The following TENM1 variants were observed in gnomAD, a reference collection of about 807,000 sequenced individuals.
TENM1 encodes the protein teneurin transmembrane protein 1.
In TENM1, 35 loss-of-function variants were observed where a neutral mutation model predicts 174.8. That is an observed-to-expected ratio of 0.20 (90% confidence interval 0.15 to 0.27). The LOEUF (loss-of-function observed/expected upper bound fraction) is 0.27. TENM1 is among the 10% of genes least tolerant of loss of function. The pLI is 1.00. For missense variants in TENM1, 1,633 were observed against 2,130.1 expected, an observed-to-expected ratio of 0.77 and a Z score of 4.59; for synonymous variants, 781 against 798.7, an observed-to-expected ratio of 0.98 and a Z score of 0.37.
rs552031034 is a variant in TENM1 at position 124,817,452 on chromosome X, T to C, written c.535+76844A>G. 2.9e-4 allele frequency among the ~76,000 whole-genome samples: 32 copies of C among 112,214 alleles called. No individual in the cohort carries two copies. The South Asian group carries it at 0.012, about 41-fold the overall frequency. On this transcript the variant is annotated intron_variant, in intron 3 of 31. Transcript: ENST00000422452. ...ATGTATTCCTGAAGCAAGTTATATA[T>C]TTTTAAGTTGCCTTCAGACCCTATA...
chrX:124,585,353 C>A (rs570574811), intron 11 of TENM1, among the ~76,000 whole-genome samples: 4,845 of 110,436 alleles, frequency 0.044, 164 homozygotes, highest in African/African-American at 0.11. Flanking sequence ...ACCACAGTGC[C>A]ATCAAACTAG....
chrX:124,635,955 G>A (rs773263669), intron 11 of TENM1, among the ~76,000 whole-genome samples: 1 of 111,939 alleles, frequency 8.9e-6, no homozygotes, highest in Admixed American at 9.4e-5. Context: ...GTGAAGTGTC[G>A]TGAGGCCATC....
intron 3 of TENM1, among the ~76,000 whole-genome samples, chrX:124,787,154 AC>A (rs1182489684): frequency 8.9e-6 from 1 of 111,733 alleles, no homozygotes; most frequent in African/African-American, 3.3e-5. Flanking sequence ...CTAATTTTTA[AC>A]CTTTTATGTA....
rs185675730 is a variant in TENM1 at position 124,765,928 on chromosome X, C to T, written c.536-28731G>A. Among the ~76,000 whole-genome samples the T allele has an allele frequency of 6.3e-5, 7 of 111,636 alleles. No homozygotes were observed. In the East Asian group the frequency reaches 8.4e-4, roughly 13 times the overall value. ...CATCTGGTGTGACTAGATACCGTCA[C>T]GGAAATTATTTTTAACAGTGAATTT... is the stretch of plus-strand genomic sequence containing the variant. On this transcript the variant is annotated intron_variant, in intron 3 of 31. Coordinates refer to ENST00000422452, the Ensembl canonical transcript of TENM1.
At chrX:124,834,049 G>A (rs1402646892) in intron 3 of TENM1, among the ~76,000 whole-genome samples, 3 of 111,414 alleles carry the variant, frequency 2.7e-5, no homozygotes, top group East Asian at 2.8e-4. Context: ...CATGCCCCCC[G>A]CCATGCCTGG....
intron 28 of TENM1, among the ~76,000 whole-genome samples, chrX:124,387,508 C>T (rs775254419): frequency 4.5e-5 from 5 of 111,964 alleles, no homozygotes; most frequent in Non-Finnish European, 7.5e-5. Flanking sequence ...GTTATTTATT[C>T]AAGTTTGTGT....
rs1039666519 is a variant in TENM1 at position 124,633,750 on chromosome X, C to T, written c.2077+8041G>A. Among the ~76,000 whole-genome samples the T allele has an allele frequency of 4.5e-5, 5 of 110,810 alleles. 1 individual carries two copies. Among genetic ancestry groups the T allele is most frequent in the Admixed American group, 1.9e-4 (2 of 10,401 alleles). On this transcript the variant is annotated intron_variant, in intron 11 of 31. Coordinates refer to ENST00000422452, the Ensembl canonical transcript of TENM1. Reference sequence around the variant, plus strand: ...CTGGGGTGACAAATCATCTCTGAGTCGGATGTATGGCTATGATACCACTAT... The same window carrying T: ...CTGGGGTGACAAATCATCTCTGAGTTGGATGTATGGCTATGATACCACTAT...
chrX:124,765,342 T>C (rs2054517337), intron 3 of TENM1, among the ~76,000 whole-genome samples: 1 of 112,122 alleles, frequency 8.9e-6, no homozygotes, highest in Non-Finnish European at 1.9e-5. Context: ...GGCCTAATGT[T>C]GTGCTTTGTA....
chrX:124,602,448 G>C (rs1390125897), intron 11 of TENM1, among the ~76,000 whole-genome samples: 2 of 110,959 alleles, frequency 1.8e-5, no homozygotes, highest in Non-Finnish European at 3.8e-5. Flanking sequence ...TTGGAACAAT[G>C]AGCTAATGAA....
At chrX:124,500,939 G>A (rs1428560342) in intron 19 of TENM1, among the ~76,000 whole-genome samples, 2 of 111,441 alleles carry the variant, frequency 1.8e-5, no homozygotes, top group African/African-American at 6.5e-5. Flanking sequence ...GTGATCAATG[G>A]ACATTTACTT....
intron 20 of TENM1, among the ~76,000 whole-genome samples, chrX:124,496,266 C>A (rs2147978017): frequency 9.0e-6 from 1 of 111,239 alleles, no homozygotes; most frequent in South Asian, 3.8e-4. Flanking sequence ...CCATAAAAAC[C>A]CTAGAAGCTT....
At chrX:125,173,562 A>G in the TENM1 span, among the ~76,000 whole-genome samples, 137 of 111,266 alleles carry the variant, frequency 1.2e-3, no homozygotes, top group Non-Finnish European at 1.8e-3. Context: ...TCTCACCCTC[A>G]CTAGATAAAA....
chrX:125,064,156 T>C, the TENM1 span, among the ~76,000 whole-genome samples: 1 of 103,640 alleles, frequency 9.6e-6, no homozygotes, highest in Non-Finnish European at 2.0e-5. Flanking sequence ...ACCGGGGCCG[T>C]TGTGGGGTGG....
chrX:124,651,275 T>TA (rs1446646495), intron 8 of TENM1, among the ~76,000 whole-genome samples: 70 of 111,482 alleles, frequency 6.3e-4, no homozygotes, highest in African/African-American at 2.1e-3. Flanking sequence ...CGTCTGAAAC[T>TA]AATTAGGGTG....
chrX:124,552,567 ATGC>A (rs2048599382), intron 14 of TENM1, among the ~76,000 whole-genome samples: 1 of 111,927 alleles, frequency 8.9e-6, no homozygotes. Context: ...CGTTGTTTGT[ATGC>A]CACTAATGTT....
At chrX:125,056,963 C>CA in the TENM1 span, among the ~76,000 whole-genome samples, 1 of 110,870 alleles carries the variant, frequency 9.0e-6, no homozygotes, top group Non-Finnish European at 1.9e-5. Flanking sequence ...TCCCCAAAAT[C>CA]AAATCCCTCT....
chrX:124,410,466 G>T (rs770437895), intron 25 of TENM1, among the ~76,000 whole-genome samples: 1 of 111,691 alleles, frequency 9.0e-6, no homozygotes, highest in East Asian at 2.8e-4. Context: ...CATGAGCAAG[G>T]ACTTCATGTC....
At chrX:125,200,320 T>C in the TENM1 span, among the ~76,000 whole-genome samples, 1 of 111,522 alleles carries the variant, frequency 9.0e-6, no homozygotes, top group Non-Finnish European at 1.9e-5. Flanking sequence ...GTGGTATATG[T>C]GAGCATTTCT....
chrX:124,920,593 T>C (rs1180077881), intron 1 of TENM1, among the ~76,000 whole-genome samples: 4 of 111,605 alleles, frequency 3.6e-5, no homozygotes, highest in African/African-American at 9.8e-5. Flanking sequence ...TAGATTCTCA[T>C]AAAAAATTGT....
Sources: gnomAD v4.1 joint callset for allele counts (sites outside exome capture counted in the v4.1 genomes callset) on GRCh38, gnomAD v4.1.1 for gene constraint, MANE v1.5 for transcripts, NCBI Gene and HGNC (gene_info 2026-07-23, HGNC 2026-07-21) for gene names.